NBEA: variants seen among roughly 807,000 people sequenced by gnomAD.
NBEA encodes the protein lysosomal-trafficking regulator 2.
NBEA carries 44 observed loss-of-function variants against 343.4 expected under a neutral mutation model. That is an observed-to-expected ratio of 0.13 (90% CI 0.10 to 0.16). The LOEUF (loss-of-function observed/expected upper bound fraction) is 0.16, where lower values mean the gene tolerates loss of function less well. Ranked by LOEUF, NBEA falls within the 10% of genes least tolerant of loss-of-function variation. NBEA has a pLI of 1.00. For missense variants in NBEA, 2,555 were observed against 3,631.3 expected, an observed-to-expected ratio of 0.70 and a Z score of 7.62; for synonymous variants, 1,175 against 1,238.7, an observed-to-expected ratio of 0.95 and a Z score of 1.08.
chr13:35,605,859 T>C (rs1215418903), intron 47 of NBEA, among the ~76,000 whole-genome samples: 1 of 152,182 alleles, frequency 6.6e-6, no homozygotes, highest in African/African-American at 2.4e-5. Flanking sequence ...GTTTATCATA[T>C]TGTGTATCAT....
chr13:35,450,401 T>G (rs547813297), intron 39 of NBEA, among the ~76,000 whole-genome samples: 121 of 152,202 alleles, frequency 7.9e-4, no homozygotes, highest in Non-Finnish European at 1.5e-3. Flanking sequence ...GCAGAATGAT[T>G]GCTTGAGCCT....
intron 34 of NBEA, among the ~76,000 whole-genome samples, chr13:35,259,012 C>T (rs891865074): frequency 3.9e-5 from 6 of 152,154 alleles, no homozygotes; most frequent in African/African-American, 1.2e-4. Context: ...AAATTTTTTA[C>T]TTAAGATGCG....
At chr13:35,389,954 T>G (rs2152898722) in intron 38 of NBEA, among the ~76,000 whole-genome samples, 1 of 131,152 alleles carries the variant, frequency 7.6e-6, no homozygotes, top group East Asian at 2.4e-4. Context: ...ATTTCTATGG[T>G]TTATGTCTTT....
intron 1 of NBEA, among the ~76,000 whole-genome samples, chr13:35,021,607 T>A (rs1360891412): frequency 6.6e-6 from 1 of 152,026 alleles, no homozygotes; most frequent in Non-Finnish European, 1.5e-5. Context: ...CACATACTCT[T>A]GATTTATTAA....
At chr13:35,073,647 T>A (rs905614813) in intron 10 of NBEA, among the ~76,000 whole-genome samples, 5 of 152,060 alleles carry the variant, frequency 3.3e-5, no homozygotes, top group Non-Finnish European at 7.4e-5. Context: ...TTAGAATTTT[T>A]AAAAAATTAT....
chr13:35,542,633 T>C (rs1362192490), intron 41 of NBEA, among the ~76,000 whole-genome samples: 1 of 152,134 alleles, frequency 6.6e-6, no homozygotes, highest in East Asian at 1.9e-4. Context: ...TCACCAATTT[T>C]ATTATAAAAG....
At chr13:35,392,911 A>G (rs1366022659) in intron 38 of NBEA, among the ~76,000 whole-genome samples, 2 of 152,218 alleles carry the variant, frequency 1.3e-5, no homozygotes, top group East Asian at 3.9e-4. Flanking sequence ...AATAGGACAC[A>G]TTGTGGTTAT....
At chr13:35,146,413 G>A (rs549049315) in intron 18 of NBEA, among the ~76,000 whole-genome samples, 3 of 152,078 alleles carry the variant, frequency 2.0e-5, no homozygotes, top group Non-Finnish European at 2.9e-5. Context: ...CTGCCATGTC[G>A]AGTTACCCAA....
chr13:35,068,947 T>C (rs2063759778), intron 8 of NBEA, among the ~76,000 whole-genome samples: 1 of 152,140 alleles, frequency 6.6e-6, no homozygotes, highest in Non-Finnish European at 1.5e-5. Context: ...TATGCATATC[T>C]GTATGCCTCC....
intron 1 of NBEA, among the ~76,000 whole-genome samples, chr13:35,004,028 GT>G (rs1193796973): frequency 6.6e-6 from 1 of 152,124 alleles, no homozygotes; most frequent in Non-Finnish European, 1.5e-5. Context: ...AACATGCAGT[GT>G]TTGGTTTTAT....
intron 56 of NBEA, among the ~76,000 whole-genome samples, chr13:35,666,892 C>T (rs946268020): frequency 6.6e-6 from 1 of 152,154 alleles, no homozygotes; most frequent in Non-Finnish European, 1.5e-5. Flanking sequence ...TTTGCTTTTA[C>T]ATTTTATGCG....
intron 32 of NBEA, among the ~76,000 whole-genome samples, chr13:35,210,369 G>A (rs549848003): frequency 1.4e-4 from 22 of 151,950 alleles, no homozygotes; most frequent in Admixed American, 1.3e-4. Flanking sequence ...TTGGCACATA[G>A]GTGCTATAAA....
At chr13:35,507,831 T>C (rs551741838) in intron 41 of NBEA, among the ~76,000 whole-genome samples, 2 of 152,282 alleles carry the variant, frequency 1.3e-5, no homozygotes, top group South Asian at 4.1e-4. Context: ...CGTGTTGCAA[T>C]GGAATTGCTC....
intron 22 of NBEA, among the ~76,000 whole-genome samples, chr13:35,161,445 A>G (rs530572526): frequency 2.4e-4 from 36 of 152,266 alleles, no homozygotes; most frequent in African/African-American, 8.2e-4. Context: ...ATGTGGTCTA[A>G]TTTAAAGACT....
At chr13:35,562,248 A>G (rs2079889640) in intron 44 of NBEA, among the ~76,000 whole-genome samples, 2 of 152,090 alleles carry the variant, frequency 1.3e-5, no homozygotes, top group Non-Finnish European at 2.9e-5. Context: ...ATTGTGTAAA[A>G]TAATCTTAAT....
Position 35,159,534 on chromosome 13 carries a change from TGAA to T in NBEA, c.3367_3369del (p.Glu1123del). On this transcript the variant is annotated inframe_deletion, in exon 22 of 59. Transcript: ENST00000379939. ...GAAGTGTTGGTATCATTAAAAAAAA[TGAA>T]GAAAAGGATAATGGTCCATTGATAA... 6.2e-7 allele frequency: 1 copy of T among 1,611,996 alleles called. No individual in the cohort carries two copies.
At chr13:35,475,309 A>G (rs2075812624) in intron 41 of NBEA, 4 of 1,613,932 alleles carry the variant, frequency 2.5e-6, no homozygotes, top group Non-Finnish European at 3.4e-6. Flanking sequence ...GTAGGAAACC[A>G]GAGTCTTCAT....
intron 35 of NBEA, among the ~76,000 whole-genome samples, chr13:35,308,012 C>T (rs900289888): frequency 1.3e-5 from 2 of 151,922 alleles, no homozygotes; most frequent in African/African-American, 2.4e-5. Context: ...CCCAAGTTAC[C>T]ATATCTCTTT....
At chr13:35,370,683 C>G (rs1164937150) in intron 38 of NBEA, among the ~76,000 whole-genome samples, 1 of 151,830 alleles carries the variant, frequency 6.6e-6, no homozygotes, top group African/African-American at 2.4e-5. Context: ...AGTTCTTTCT[C>G]TTTCTTATTT....
Sources: allele counts gnomAD v4.1 joint callset (sites outside exome capture counted in the v4.1 genomes callset), GRCh38; gene constraint gnomAD v4.1.1; transcripts MANE v1.5; gene names NCBI Gene and HGNC (gene_info 2026-07-23, HGNC 2026-07-21).